KLHDC4: variants seen among roughly 807,000 people sequenced by gnomAD.
KLHDC4 encodes kelch domain-containing protein 4.
A neutral mutation model predicts 62.4 loss-of-function variants in KLHDC4; 90 were observed. That is an observed-to-expected ratio of 1.44 (90% CI 1.22 to 1.72). The LOEUF is 1.72. Ranked by LOEUF, KLHDC4 falls within the 40% of genes most tolerant of loss-of-function variation. The pLI, the probability that KLHDC4 is intolerant of heterozygous loss-of-function variation, is 0.00. For synonymous variants in KLHDC4, 386 were observed against 284.4 expected (o/e 1.36, Z -3.59); for missense variants, 1,025 against 699.7 (o/e 1.47, Z -5.25).
chr16:87,735,722 C>T (rs993081306), intron 5 of KLHDC4, among the ~76,000 whole-genome samples: 3 of 152,168 alleles, frequency 2.0e-5, no homozygotes, highest in Admixed American at 1.3e-4. Context: ...TTCCTAAATA[C>T]GAAGTCTTAA....
chr16:87,754,574 T>C (rs922554970), intron 4 of KLHDC4, among the ~76,000 whole-genome samples: 1 of 152,224 alleles, frequency 6.6e-6, no homozygotes, highest in African/African-American at 2.4e-5. Context: ...TGCGTTGATC[T>C]TTCTCTGCAC....
intron 7 of KLHDC4, among the ~76,000 whole-genome samples, chr16:87,716,460 A>G (rs1455008898): frequency 6.6e-6 from 1 of 152,232 alleles, no homozygotes; most frequent in African/African-American, 2.4e-5. Flanking sequence ...AGGAGCCTTT[A>G]CAGCTACTCT....
intron 2 of KLHDC4, 124 bp from the exon 3 acceptor site, chr16:87,756,601 G>A (rs2044960831): frequency 4.5e-6 from 3 of 672,098 alleles, no homozygotes; most frequent in Middle Eastern, 6.4e-4. Flanking sequence ...TGAAAGGAGA[G>A]CCTGGCATCG....
At chr16:87,731,046 C>CTTTTTTTTTTTTTTTTTTT (rs774096264) in intron 5 of KLHDC4, 1 of 72,032 alleles carries the variant, frequency 1.4e-5, no homozygotes, top group Non-Finnish European at 2.8e-5. Context: ...ATACAGAATT[C>CTTTTTTTTTTTTTTTTTTT]TTTTTTTTTT....
At chr16:87,765,064 A>C in intron 1 of KLHDC4, 1 of 454,586 alleles carries the variant, frequency 2.2e-6, no homozygotes, top group Non-Finnish European at 4.4e-6. Context: ...TACGGAACTG[A>C]CCTGCTCGTG....
At chr16:87,738,008 G>A (rs996331692) in intron 5 of KLHDC4, among the ~76,000 whole-genome samples, 1 of 152,166 alleles carries the variant, frequency 6.6e-6, no homozygotes, top group African/African-American at 2.4e-5. Flanking sequence ...AGCAGGGCAG[G>A]TTCTGCCTTC....
At chr16:87,727,845 G>A (rs1381766717) in intron 6 of KLHDC4, among the ~76,000 whole-genome samples, 1 of 152,194 alleles carries the variant, frequency 6.6e-6, no homozygotes, top group Admixed American at 6.5e-5. Context: ...GTGTGAAGCA[G>A]GAAAAGTCAC....
At chr16:87,733,060 C>CCTATCCCAGCTTTTAT (rs2040667591) in intron 5 of KLHDC4, among the ~76,000 whole-genome samples, 5 of 142,646 alleles carry the variant, frequency 3.5e-5, no homozygotes, top group Admixed American at 2.1e-4. Flanking sequence ...CAAAGCAAAT[C>CCTATCCCAGCTTTTAT]CTATCCCAGC....
chr16:87,765,654 C>T lies in KLHDC4; in HGVS notation c.99+138G>A, dbSNP rs2046550486. 3.9e-6 allele frequency: 3 copies of T among 763,790 alleles called. No individual in the cohort carries two copies. The South Asian group carries it at 5.7e-5, about 14-fold the overall frequency. 47.3% of individuals were successfully genotyped at this position (763,790 alleles called of 1,614,324 possible). ...GGGCTGCCCGGACGCGGCGCCGGGG[C>T]AGTTCCTACGGCCTCCAGCTCTCCC... is the stretch of plus-strand genomic sequence containing the variant. On this transcript the variant is annotated intron_variant, in intron 1 of 11. Coordinates refer to ENST00000270583, the MANE Select transcript of KLHDC4 (RefSeq NM_017566.4).
chr16:87,755,003 C>G (rs142713920), intron 4 of KLHDC4, among the ~76,000 whole-genome samples, 191 bp downstream of exon 4: 1 of 152,148 alleles, frequency 6.6e-6, no homozygotes, highest in Non-Finnish European at 1.5e-5. Flanking sequence ...ACCTGGGGAG[C>G]AGGTGTTCTC....
At chr16:87,711,589 C>T in intron 8 of KLHDC4, 146 bp from the exon 9 acceptor site, 1 of 647,720 alleles carries the variant, frequency 1.5e-6, no homozygotes, top group Non-Finnish European at 2.6e-6. Flanking sequence ...GCTCCCTCTG[C>T]AGAAAAACAG....
In KLHDC4 at chr16:87,709,365, G is replaced by A. The variant is rs370687518; in HGVS notation, c.1347C>T (p.Gly449=). ...VKHGVLYVYG[G]MFEAGDRQVT... is the part of the protein sequence containing the mutation. ...CCTGGCGGTCGCCGGCCTCAAACAT[G>A]CCCCCATAGACGTAGAGCACCCCAT... is the stretch of plus-strand genomic sequence containing the variant. The change falls in exon 10 of 12, where the codon GGC becomes GGT. Residue 449 remains glycine (G), a synonymous_variant. Transcript: ENST00000270583. The A allele has an allele frequency of 3.7e-5, 59 of 1,613,332 alleles. No homozygotes were observed. The highest frequency in any genetic ancestry group is 4.4e-5 in the South Asian group (4 of 91,090).
chr16:87,749,599 T>C (rs2043597284), intron 4 of KLHDC4, among the ~76,000 whole-genome samples: 1 of 152,184 alleles, frequency 6.6e-6, no homozygotes, highest in Non-Finnish European at 1.5e-5. Flanking sequence ...TTTTTTCCTT[T>C]TAGAGACCAC....
At chr16:87,733,355 C>G (rs1458221391) in intron 5 of KLHDC4, among the ~76,000 whole-genome samples, 1 of 152,346 alleles carries the variant, frequency 6.6e-6, no homozygotes, top group Non-Finnish European at 1.5e-5. Context: ...AGCAGGTGCT[C>G]AGAAAGCTCG....
intron 6 of KLHDC4, 112 bp from the exon 7 acceptor site, chr16:87,727,036 T>A (rs2039489009): frequency 1.7e-6 from 2 of 1,165,130 alleles, no homozygotes; most frequent in African/African-American, 1.6e-5. Flanking sequence ...GGGGAAAAAC[T>A]CAAACCATTT....
At chr16:87,734,579 T>C (rs1342291337) in intron 5 of KLHDC4, among the ~76,000 whole-genome samples, 1 of 152,174 alleles carries the variant, frequency 6.6e-6, no homozygotes, top group Non-Finnish European at 1.5e-5. Flanking sequence ...CCTTTCAATG[T>C]ATCACTGAAA....
exon 1 of KLHDC4, chr16:87,701,497 TAGG>T: frequency 2.8e-6 from 1 of 359,326 alleles, no homozygotes; most frequent in East Asian, 7.5e-5. Context: ...TTCCCAAGCC[TAGG>T]AGAAGCAAGC....
exon 1 of KLHDC4, chr16:87,699,783 G>C (rs2034054783): frequency 6.6e-6 from 1 of 152,292 alleles, no homozygotes; most frequent in African/African-American, 2.4e-5. Flanking sequence ...CCAGGCCATG[G>C]GCCAGCGGTC....
chr16:87,733,162 T>C (rs1170875307), intron 5 of KLHDC4, among the ~76,000 whole-genome samples: 1 of 152,018 alleles, frequency 6.6e-6, no homozygotes, highest in Admixed American at 6.6e-5. Flanking sequence ...TCCCAGCTTC[T>C]ACAGGTGAAA....
Sources: allele counts gnomAD v4.1 joint callset (sites outside exome capture counted in the v4.1 genomes callset), GRCh38; gene constraint gnomAD v4.1.1; transcripts MANE v1.5; gene names NCBI Gene and HGNC (gene_info 2026-07-23, HGNC 2026-07-21).